Variants in TMEM132D observed in about 807,000 individuals in gnomAD.
TMEM132D encodes the protein transmembrane protein 132D.
A neutral mutation model predicts 62.3 loss-of-function variants in TMEM132D; 21 were observed. The ratio of observed to expected loss-of-function variants is 0.34; its 90% confidence interval spans 0.24 to 0.49. The LOEUF is 0.49. Ranked by LOEUF, TMEM132D falls within the 20% of genes least tolerant of loss-of-function variation. The probability of loss-of-function intolerance (pLI) is 0.99; values close to 1 mark genes in which losing one functional copy is unlikely to be tolerated. For missense variants in TMEM132D, 1,346 were observed against 1,402.8 expected, an observed-to-expected ratio of 0.96 and a Z score of 0.65; for synonymous variants, 621 against 575.6, an observed-to-expected ratio of 1.08 and a Z score of -1.13.
intron 4 of TMEM132D, among the ~76,000 whole-genome samples, chr12:129,262,155 T>C (rs1240455370): frequency 6.6e-6 from 1 of 152,190 alleles, no homozygotes; most frequent in Non-Finnish European, 1.5e-5. Context: ...TGTAAAGGGA[T>C]GCACCGATAA....
intron 1 of TMEM132D, among the ~76,000 whole-genome samples, chr12:129,849,390 G>A (rs74937899): frequency 6.6e-6 from 1 of 152,060 alleles, no homozygotes; most frequent in African/African-American, 2.4e-5. Flanking sequence ...AAATCTCCCC[G>A]CTTAGTTTGA....
chr12:129,342,319 TG>T (rs1269783785), intron 3 of TMEM132D, among the ~76,000 whole-genome samples: 2 of 152,086 alleles, frequency 1.3e-5, no homozygotes, highest in African/African-American at 4.8e-5. Flanking sequence ...AAACAAGCAA[TG>T]GGGAAAGGAT....
chr12:129,817,903 CTA>C (rs1447839090), intron 1 of TMEM132D, among the ~76,000 whole-genome samples: 1 of 118,580 alleles, frequency 8.4e-6, no homozygotes, highest in Admixed American at 8.9e-5. Flanking sequence ...TTGTGTGTGC[CTA>C]TGTGTGTGTA....
rs966994769 is a variant in TMEM132D, at chr12:129,420,308, T to G, written c.1116-82491A>C. 2.8e-3 allele frequency among the ~76,000 whole-genome samples: 104 copies of G among 36,910 alleles called. 4 individuals carry two copies. In the East Asian group the frequency reaches 0.037, roughly 13 times the overall value. The allele number at this position is 36,910 out of a possible 152,430, so 24.2% of individuals were successfully genotyped here. A position where few individuals can be genotyped will look rare whatever the true frequency, so the allele number is the denominator to read the frequency against. On this transcript the variant is annotated intron_variant, in intron 3 of 8. Transcript: ENST00000422113. ...TTTCAAATTATTGCACGTTCTCTGT[T>G]TTTTTTTTTTTTTTTTTTTTTTGCA...
chr12:129,103,635 A>G (rs1173980919), intron 5 of TMEM132D, among the ~76,000 whole-genome samples: 5 of 152,172 alleles, frequency 3.3e-5, no homozygotes, highest in Non-Finnish European at 1.5e-5. Flanking sequence ...TGCCCACCTC[A>G]GCCTCCTAAA....
chr12:129,588,251 T>C (rs561426493), intron 2 of TMEM132D, among the ~76,000 whole-genome samples: 1 of 152,352 alleles, frequency 6.6e-6, no homozygotes, highest in African/African-American at 2.4e-5. Context: ...ACAGATTCTA[T>C]AGGTTAAGCC....
chr12:129,495,566 G>T (rs1016403420), intron 3 of TMEM132D, among the ~76,000 whole-genome samples: 2 of 152,204 alleles, frequency 1.3e-5, no homozygotes, highest in Admixed American at 6.5e-5. Flanking sequence ...ACGCCCACCA[G>T]CAGGTACAGA....
rs71082753 is a variant in TMEM132D at position 129,760,323 on chromosome 12, C to CTTTTT, written c.80-59630_80-59626dup. ...AGACAGAAATGATGTAAGCCACTTT[C>CTTTTT]TTTTTTTTTTTTTTTTTTTTTTTTT... On this transcript the variant is annotated intron_variant, in intron 1 of 8. Transcript: ENST00000422113. Among the ~76,000 whole-genome samples, 13 of 115,502 alleles carry CTTTTT rather than the reference C, an allele frequency of 1.1e-4. 1 individual carries two copies. Among genetic ancestry groups the CTTTTT allele is most frequent in the African/African-American group, 2.5e-4 (7 of 27,668 alleles). 75.8% of individuals were successfully genotyped at this position (115,502 alleles called of 152,430 possible). A position where few individuals can be genotyped will look rare whatever the true frequency, so the allele number is the denominator to read the frequency against.
intron 2 of TMEM132D, among the ~76,000 whole-genome samples, chr12:129,679,575 C>T (rs545538174): frequency 6.6e-6 from 1 of 151,984 alleles, no homozygotes; most frequent in South Asian, 2.1e-4. Context: ...AATCCCTTTG[C>T]CTTTTTGCTT....
chr12:129,734,769 T>C (rs1869366491), intron 1 of TMEM132D, among the ~76,000 whole-genome samples: 1 of 152,162 alleles, frequency 6.6e-6, no homozygotes, highest in African/African-American at 2.4e-5. Flanking sequence ...CTCTAAAGTA[T>C]TGGAGAAGGT....
At chr12:129,166,792 T>C (rs202110764) in intron 5 of TMEM132D, among the ~76,000 whole-genome samples, 14 of 336 alleles carry the variant, frequency 0.042, no homozygotes, top group Middle Eastern at 0.5. Context: ...TATATATATA[T>C]ATATATATAT....
chr12:129,126,358 CT>C lies in TMEM132D; in HGVS notation c.1444-41657del, dbSNP rs397938044. 6.0e-3 allele frequency among the ~76,000 whole-genome samples: 881 copies of C among 147,428 alleles called. 26 individuals are homozygous for C. The highest frequency in any genetic ancestry group is 0.035 in the East Asian group (175 of 5,054). On this transcript the variant is annotated intron_variant, in intron 5 of 8. Transcript: ENST00000422113. ...CATTCTCTTGCCTCAGTTTCTCTCT[CT>C]TTTTTTTTTTTTTTAGCAATAATCC... is the stretch of plus-strand genomic sequence containing the variant.
Position 129,277,263 on chromosome 12 carries a change from A to G in TMEM132D, c.1299+60371T>C, listed in dbSNP as rs958867655. 3.3e-5 allele frequency among the ~76,000 whole-genome samples: 5 copies of G among 152,190 alleles called. No homozygotes were observed. The highest frequency in any genetic ancestry group is 1.2e-4 in the African/African-American group (5 of 41,450). On this transcript the variant is annotated intron_variant, in intron 4 of 8. Coordinates refer to ENST00000422113, the MANE Select transcript of TMEM132D (RefSeq NM_133448.3). This position sits in a 1 kb window ranked among gnomAD's most constrained non-coding sequence, Gnocchi z 4.2. ...TGTGTGTCTGAGTCTCTTTAGAAGAAGAGATGTATTTTCCTCAACAATGAG... is the reference window on the plus strand; with the variant it reads ...TGTGTGTCTGAGTCTCTTTAGAAGAGGAGATGTATTTTCCTCAACAATGAG...
At chr12:129,390,273 C>T (rs1029858574) in intron 3 of TMEM132D, among the ~76,000 whole-genome samples, 3 of 152,172 alleles carry the variant, frequency 2.0e-5, no homozygotes, top group African/African-American at 7.2e-5. Flanking sequence ...CTTCCATTTA[C>T]AGATCATCTA....
intron 1 of TMEM132D, among the ~76,000 whole-genome samples, chr12:129,743,027 G>T (rs1036779604): frequency 1.3e-5 from 2 of 152,240 alleles, no homozygotes; most frequent in Non-Finnish European, 2.9e-5. Flanking sequence ...GGGTCTCAGG[G>T]AAAGTTTTTA....
At chr12:129,503,999 T>C (rs1466965460) in intron 3 of TMEM132D, among the ~76,000 whole-genome samples, 1 of 59,892 alleles carries the variant, frequency 1.7e-5, no homozygotes, top group Non-Finnish European at 3.3e-5. Context: ...ATCATTATTG[T>C]CATCATTACT....
chr12:129,121,414 T>C (rs1283883188), intron 5 of TMEM132D, among the ~76,000 whole-genome samples: 1 of 152,196 alleles, frequency 6.6e-6, no homozygotes, highest in South Asian at 2.1e-4. Context: ...CAGCTGATTT[T>C]AAAATAGGGA....
intron 2 of TMEM132D, among the ~76,000 whole-genome samples, chr12:129,598,454 G>A (rs371708787): frequency 2.6e-5 from 4 of 152,274 alleles, no homozygotes; most frequent in African/African-American, 4.8e-5. Context: ...TCTGGAGCAC[G>A]TTCCCAGCTC....
intron 1 of TMEM132D, among the ~76,000 whole-genome samples, chr12:129,889,151 G>C (rs79164489): frequency 6.6e-6 from 1 of 152,174 alleles, no homozygotes; most frequent in South Asian, 2.1e-4. Flanking sequence ...GGTCCGTAGA[G>C]CCTCACTTGA....
Sources: allele counts gnomAD v4.1 joint callset (sites outside exome capture counted in the v4.1 genomes callset), GRCh38; gene constraint gnomAD v4.1.1; non-coding constraint Gnocchi (gnomAD v3.1); transcripts MANE v1.5; gene names NCBI Gene and HGNC (gene_info 2026-07-23, HGNC 2026-07-21).